Variants in GADL1 observed in about 807,000 individuals in gnomAD.
The protein encoded by GADL1 is GAD like acidic amino acid decarboxylase 1, also known as acidic amino acid decarboxylase GADL1.
A neutral mutation model predicts 69.5 loss-of-function variants in GADL1; 71 were observed. The ratio of observed to expected loss-of-function variants is 1.02; its 90% CI spans 0.84 to 1.25. The LOEUF is 1.25. Among genes scored for constraint, GADL1 ranks in the 50% most tolerant of loss-of-function variants. The probability of loss-of-function intolerance (pLI) is 0.00; values close to 1 mark genes in which losing one functional copy is unlikely to be tolerated. For synonymous variants in GADL1, 254 were observed against 214.4 expected (o/e 1.18, Z -1.62); for missense variants, 737 against 631.8 (o/e 1.17, Z -1.79).
At chr3:30,798,155 T>TGTCACATCCAGACTTTTGTGTCAC (rs557520303) in intron 12 of GADL1, 22 of 152,418 alleles carry the variant, frequency 1.4e-4, no homozygotes, top group African/African-American at 5.1e-4. Context: ...AGGTCCTTAA[T>TGTCACATCCAGACTTTTGTGTCAC]GTCACATCCA....
chr3:30,768,781 G>A (rs2125490765), intron 14 of GADL1, among the ~76,000 whole-genome samples: 1 of 152,274 alleles, frequency 6.6e-6, no homozygotes, highest in South Asian at 2.1e-4. Context: ...GTCTTTCTTG[G>A]TCTGGCAGAA....
chr3:30,792,954 A>G (rs1696953494), intron 12 of GADL1, among the ~76,000 whole-genome samples: 2 of 152,318 alleles, frequency 1.3e-5, no homozygotes, highest in South Asian at 4.1e-4. Flanking sequence ...TTCTACAGGC[A>G]AGAGAGAATG....
intron 14 of GADL1, among the ~76,000 whole-genome samples, chr3:30,756,158 A>G (rs1695964940): frequency 1.3e-5 from 2 of 152,230 alleles, no homozygotes; most frequent in South Asian, 4.1e-4. Flanking sequence ...AGCTATGTCA[A>G]GCATTCATTT....
chr3:30,760,087 C>T (rs372120768), intron 14 of GADL1, among the ~76,000 whole-genome samples: 19 of 152,298 alleles, frequency 1.2e-4, no homozygotes, highest in African/African-American at 4.3e-4. Flanking sequence ...GATTGTTTCA[C>T]AGTATTGTCA....
intron 14 of GADL1, among the ~76,000 whole-genome samples, chr3:30,741,466 T>C (rs1363152317): frequency 6.6e-6 from 1 of 152,000 alleles, no homozygotes; most frequent in Non-Finnish European, 1.5e-5. Flanking sequence ...ATAAATAACT[T>C]GGGCCTAAGC....
At chr3:30,743,644 T>A (rs1695658294) in intron 14 of GADL1, among the ~76,000 whole-genome samples, 1 of 152,188 alleles carries the variant, frequency 6.6e-6, no homozygotes, top group African/African-American at 2.4e-5. Context: ...CACAACACAC[T>A]CTGATTCCCT....
At chr3:30,801,223 AG>A in intron 11 of GADL1, 135 bp from the exon 12 acceptor site, 5 of 652,930 alleles carry the variant, frequency 7.7e-6, no homozygotes, top group Non-Finnish European at 1.3e-5. Context: ...GCCTTACATC[AG>A]ACACAATCAG....
In GADL1 at chr3:30,728,398, C is replaced by T. The variant is rs763050903; in HGVS notation, c.1410G>A (p.Lys470=). Residue 470 remains lysine (K), a synonymous_variant, in exon 15 of 15, where the codon AAG becomes AAA. Transcript: ENST00000282538. ...AGCTTCCCTTCTTCATCATCCTCTCCTTAATGGCTGGGGCCACCTGTGTGG... is the reference window on the plus strand; with the variant it reads ...AGCTTCCCTTCTTCATCATCCTCTCTTTAATGGCTGGGGCCACCTGTGTGG... ...AKLNLVAPAI[K]ERMMKKGSLM... 3 of 1,613,690 alleles carry T rather than the reference C, an allele frequency of 1.9e-6. No homozygotes were observed. Among genetic ancestry groups the T allele is most frequent in the Non-Finnish European group, 2.5e-6 (3 of 1,179,780 alleles).
chr3:30,878,655 T>C (rs897939682), intron 1 of GADL1, among the ~76,000 whole-genome samples: 2 of 151,896 alleles, frequency 1.3e-5, no homozygotes, highest in Admixed American at 6.6e-5. Flanking sequence ...TGAACATATT[T>C]ACCTTTGGCA....
At chr3:30,760,533 C>T (rs1406112258) in intron 14 of GADL1, among the ~76,000 whole-genome samples, 11 of 152,122 alleles carry the variant, frequency 7.2e-5, no homozygotes, top group Admixed American at 7.2e-4. Flanking sequence ...AGCAATATTT[C>T]CTTCTGTTTC....
intron 1 of GADL1, among the ~76,000 whole-genome samples, chr3:30,890,275 CA>C (rs1268765248): frequency 1.3e-5 from 2 of 152,158 alleles, no homozygotes; most frequent in African/African-American, 2.4e-5. Context: ...GTTTACTGAA[CA>C]AACACATGTT....
At chr3:30,853,844 C>T (rs1698186180) in intron 4 of GADL1, among the ~76,000 whole-genome samples, 1 of 152,090 alleles carries the variant, frequency 6.6e-6, no homozygotes, top group South Asian at 2.1e-4. Context: ...AAAGTAATGC[C>T]CTCCTAACGG....
chr3:30,845,497 TGTG>T (rs1485971677), intron 6 of GADL1, among the ~76,000 whole-genome samples: 2 of 152,202 alleles, frequency 1.3e-5, no homozygotes, highest in African/African-American at 2.4e-5. Context: ...TTCCCTCAAA[TGTG>T]GTAATTTTTT....
At chr3:30,733,820 G>A (rs899766798) in intron 14 of GADL1, among the ~76,000 whole-genome samples, 5 of 152,312 alleles carry the variant, frequency 3.3e-5, no homozygotes, top group East Asian at 1.9e-4. Context: ...GAGAGCTTAA[G>A]TGGAAGGATT....
At chr3:30,773,620 T>C (rs753559905) in intron 14 of GADL1, among the ~76,000 whole-genome samples, 29 of 152,282 alleles carry the variant, frequency 1.9e-4, no homozygotes, top group Middle Eastern at 3.4e-3. Flanking sequence ...ATATGAATTA[T>C]TTTGAAACAC....
intron 14 of GADL1, among the ~76,000 whole-genome samples, chr3:30,752,891 T>C (rs922240609): frequency 6.6e-6 from 1 of 152,148 alleles, no homozygotes; most frequent in African/African-American, 2.4e-5. Context: ...GTCAAATCAG[T>C]ATAAGATGAT....
intron 11 of GADL1, among the ~76,000 whole-genome samples, chr3:30,805,757 T>G (rs1212315935): frequency 6.8e-6 from 1 of 146,414 alleles, no homozygotes; most frequent in Non-Finnish European, 1.5e-5. Flanking sequence ...TTTTTTTTTT[T>G]TGGGCACCAG....
chr3:30,807,718 G>C (rs6550025), intron 11 of GADL1, among the ~76,000 whole-genome samples: 22,859 of 152,160 alleles, frequency 0.15, 1,822 homozygotes, highest in Middle Eastern at 0.2. Context: ...GGATGGAAGA[G>C]AGTAAGCAGA....
In GADL1 at chr3:30,772,791, G is replaced by A. The variant is rs570342938; in HGVS notation, c.1392+5388C>T. Among the ~76,000 whole-genome samples, 7 of 152,204 alleles carry A rather than the reference G, an allele frequency of 4.6e-5. No individual in the cohort carries two copies. In the East Asian group the frequency reaches 5.8e-4, roughly 13 times the overall value. The stretch of plus-strand genomic sequence containing the variant: ...CTTGGGAGGCTGAGGCAGGAGAATC[G>A]GTTGAACCCAGGAGGTGGAGGTTGC... On this transcript the variant is annotated intron_variant, in intron 14 of 14. Coordinates refer to ENST00000282538, the MANE Select transcript of GADL1 (RefSeq NM_207359.3).
Sources: allele counts gnomAD v4.1 joint callset (sites outside exome capture counted in the v4.1 genomes callset), GRCh38; gene constraint gnomAD v4.1.1; transcripts MANE v1.5; gene names NCBI Gene and HGNC (gene_info 2026-07-23, HGNC 2026-07-21).